XKR4: variants seen among roughly 807,000 people sequenced by gnomAD.
XKR4 encodes XK-related protein 4.
In XKR4, 12 loss-of-function variants were observed where a neutral mutation model predicts 53.9. The ratio of observed to expected loss-of-function variants is 0.22; its 90% CI spans 0.14 to 0.36. XKR4 has a LOEUF of 0.36. Among genes scored for constraint, XKR4 ranks in the 10% least tolerant of loss-of-function variants. XKR4 has a pLI of 1.00. For synonymous variants in XKR4, 354 were observed against 362.4 expected (o/e 0.98, Z 0.26); for missense variants, 799 against 859.5 (o/e 0.93, Z 0.88).
At position 55,357,693 on chromosome 8, in the gene XKR4, A is replaced by G. The variant is rs1803839673; in HGVS notation, c.822A>G (p.Ile274Met). The G allele has an allele frequency of 6.2e-7, 1 of 1,614,202 alleles. No homozygotes were observed. Among genetic ancestry groups the G allele is most frequent in the East Asian group, 2.2e-5 (1 of 44,890 alleles). Residue 274 changes from isoleucine (I) to methionine (M), a missense_variant, in exon 2 of 3, where the codon ATA becomes ATG. Physicochemically the swap from Ile to Met is conservative, Grantham distance 10. Coordinates refer to ENST00000327381, the MANE Select transcript of XKR4 (RefSeq NM_052898.2). ...LGQIWRYFHTIYLGIRSRQSG... is the reference protein window; with the variant it reads ...LGQIWRYFHTMYLGIRSRQSG... ...TTCTTTCTAGATATTTCCACACAAT[A>G]TACTTAGGTATTCGAAGCCGACAGA...
intron 1 of XKR4, among the ~76,000 whole-genome samples, chr8:55,152,237 C>T (rs1047642215): frequency 6.6e-6 from 1 of 152,168 alleles, no homozygotes; most frequent in Non-Finnish European, 1.5e-5. Context: ...AGATCAGATT[C>T]ACCAGAGGTT....
At chr8:55,272,162 G>A (rs1818701434) in intron 1 of XKR4, among the ~76,000 whole-genome samples, 1 of 152,322 alleles carries the variant, frequency 6.6e-6, no homozygotes, top group African/African-American at 2.4e-5. Flanking sequence ...ATGATTCTAT[G>A]CATGACAAGC....
intron 2 of XKR4, among the ~76,000 whole-genome samples, chr8:55,396,531 A>G (rs1005779272): frequency 6.7e-6 from 1 of 148,904 alleles, no homozygotes; most frequent in African/African-American, 2.5e-5. Flanking sequence ...AAGGGATGGG[A>G]GAGAAAAAGA....
chr8:55,449,870 G>C, intron 2 of XKR4: 1 of 951,830 alleles, frequency 1.1e-6, no homozygotes, highest in East Asian at 2.4e-5. Context: ...CTGGCTGTAA[G>C]GGTGCTGGTG....
intron 2 of XKR4, among the ~76,000 whole-genome samples, chr8:55,421,722 C>A (rs1277219339): frequency 6.6e-6 from 1 of 152,174 alleles, no homozygotes; most frequent in Non-Finnish European, 1.5e-5. Flanking sequence ...GCAATTCCTC[C>A]CTCAGTTTGT....
rs74396233 is a variant in XKR4, at chr8:55,222,584, G to A, written c.806+119290G>A. On this transcript the variant is annotated intron_variant, in intron 1 of 2. Transcript: ENST00000327381. Reference sequence around the variant, plus strand: ...TCATAACATTAACAGCAATCCACACGTATTTTATTCATTTGTCTATGTCCT... The same window carrying A: ...TCATAACATTAACAGCAATCCACACATATTTTATTCATTTGTCTATGTCCT... 4.5e-3 allele frequency among the ~76,000 whole-genome samples: 688 copies of A among 152,196 alleles called. 5 individuals are homozygous for A. Among genetic ancestry groups the A allele is most frequent in the African/African-American group, 0.015 (641 of 41,528 alleles).
intron 1 of XKR4, among the ~76,000 whole-genome samples, chr8:55,289,695 G>GAAAGAAAGGA (rs778422703): frequency 4.6e-5 from 4 of 87,700 alleles, no homozygotes; most frequent in Admixed American, 1.2e-4. Flanking sequence ...AAGAAAGAAA[G>GAAAGAAAGGA]AGAAAGAAAG....
intron 2 of XKR4, among the ~76,000 whole-genome samples, chr8:55,498,402 C>G (rs1806388907): frequency 6.6e-6 from 1 of 152,196 alleles, no homozygotes; most frequent in Non-Finnish European, 1.5e-5. Flanking sequence ...GTGCAGCAGG[C>G]TTTGTCACCA....
chr8:55,495,822 C>G (rs1214746936), intron 2 of XKR4, among the ~76,000 whole-genome samples: 1 of 152,256 alleles, frequency 6.6e-6, no homozygotes, highest in African/African-American at 2.4e-5. Context: ...CTTCTGCTGC[C>G]ACTGCTACTG....
intron 1 of XKR4, among the ~76,000 whole-genome samples, chr8:55,278,944 A>G (rs913999194): frequency 1.3e-5 from 2 of 152,222 alleles, no homozygotes; most frequent in Admixed American, 1.3e-4. Context: ...CATGAAGAGA[A>G]GCAAAAAAAC....
chr8:55,280,533 G>A (rs978238451), intron 1 of XKR4, among the ~76,000 whole-genome samples: 5 of 152,138 alleles, frequency 3.3e-5, no homozygotes, highest in African/African-American at 1.2e-4. Context: ...CCATGATGAT[G>A]AGACCATATA....
At chr8:55,450,087 G>A (rs1206102365) in intron 2 of XKR4, 13 of 719,430 alleles carry the variant, frequency 1.8e-5, no homozygotes, top group African/African-American at 3.5e-5. Flanking sequence ...CAGCCTTCAC[G>A]CGGTCCCAGG....
intron 1 of XKR4, among the ~76,000 whole-genome samples, chr8:55,207,305 A>G (rs530424346): frequency 1.1e-4 from 16 of 152,306 alleles, no homozygotes; most frequent in Middle Eastern, 3.4e-3. Context: ...ACAGTGGGAC[A>G]TTTGTGTCCA....
chr8:55,311,829 C>CAAAAAAAAAAA lies in XKR4; in HGVS notation c.807-45837_807-45827dup, dbSNP rs57826022. ...AACTGAAACTGTCTCTGTAATTTAG[C>CAAAAAAAAAAA]AAAAAAAAAAAAAAAAAAAAAAGAA... On this transcript the variant is annotated intron_variant, in intron 1 of 2. Coordinates refer to ENST00000327381, the MANE Select transcript of XKR4 (RefSeq NM_052898.2). 1.6e-3 allele frequency among the ~76,000 whole-genome samples: 156 copies of CAAAAAAAAAAA among 98,332 alleles called. 1 individual carries two copies. The highest frequency in any genetic ancestry group is 6.3e-3 in the Middle Eastern group (1 of 158). 64.5% of individuals were successfully genotyped at this position (98,332 alleles called of 152,430 possible).
intron 1 of XKR4, among the ~76,000 whole-genome samples, chr8:55,304,609 C>G (rs1250683715): frequency 6.6e-6 from 1 of 152,022 alleles, no homozygotes; most frequent in Non-Finnish European, 1.5e-5. Context: ...TTAAAGTCTC[C>G]CATTATTATT....
At chr8:55,223,721 A>G (rs1261583990) in intron 1 of XKR4, among the ~76,000 whole-genome samples, 4 of 152,208 alleles carry the variant, frequency 2.6e-5, no homozygotes, top group African/African-American at 7.2e-5. Context: ...AAAAGAAATA[A>G]AAATGTTTAG....
intron 1 of XKR4, among the ~76,000 whole-genome samples, chr8:55,247,975 C>G (rs1013100627): frequency 4.0e-5 from 6 of 150,758 alleles, no homozygotes; most frequent in Non-Finnish European, 5.9e-5. Flanking sequence ...CCTGCCTCAG[C>G]CTCCTAAGTA....
chr8:55,461,058 GACAA>G (rs1805648897), intron 2 of XKR4, among the ~76,000 whole-genome samples: 1 of 152,250 alleles, frequency 6.6e-6, no homozygotes, highest in Non-Finnish European at 1.5e-5. Context: ...ACAGGGCACA[GACAA>G]ACAAAAGACA....
intron 1 of XKR4, among the ~76,000 whole-genome samples, chr8:55,165,749 G>A (rs1172700289): frequency 6.0e-5 from 9 of 149,182 alleles, no homozygotes; most frequent in Admixed American, 6.0e-4. Context: ...AGCTTGCAGT[G>A]AGCCGAGATT....
Sources: gnomAD v4.1 joint callset for allele counts (sites outside exome capture counted in the v4.1 genomes callset) on GRCh38, gnomAD v4.1.1 for gene constraint, MANE v1.5 for transcripts, NCBI Gene and HGNC (gene_info 2026-07-23, HGNC 2026-07-21) for gene names.